The following GRIA4 variants were observed in gnomAD, a reference collection of about 807,000 sequenced individuals.
GRIA4 encodes the protein glutamate ionotropic receptor AMPA type subunit 4.
GRIA4 carries 34 observed loss-of-function variants against 104.0 expected under a neutral mutation model. The observed-to-expected ratio is 0.33, with a 90% CI of 0.25 to 0.44. The LOEUF is 0.44. Ranked by LOEUF, GRIA4 falls within the 20% of genes least tolerant of loss-of-function variation. The probability of loss-of-function intolerance (pLI) is 1.00; values close to 1 mark genes in which losing one functional copy is unlikely to be tolerated. For synonymous variants in GRIA4, 386 were observed against 381.9 expected, an observed-to-expected ratio of 1.01 and a Z score of -0.13; for missense variants, 750 against 1,096.5, an observed-to-expected ratio of 0.68 and a Z score of 4.46.
At chr11:105,965,239 C>G (rs1210258804) in intron 14 of GRIA4, among the ~76,000 whole-genome samples, 1 of 151,690 alleles carries the variant, frequency 6.6e-6, no homozygotes, top group African/African-American at 2.4e-5. Flanking sequence ...AGCATGACAT[C>G]CTGGGGTTTA....
chr11:105,807,136 T>A (rs1357236534), intron 4 of GRIA4, among the ~76,000 whole-genome samples: 1 of 151,870 alleles, frequency 6.6e-6, no homozygotes, highest in Non-Finnish European at 1.5e-5. Flanking sequence ...AAAATCCTTA[T>A]TTATGTCATT....
intron 3 of GRIA4, among the ~76,000 whole-genome samples, chr11:105,725,808 C>A (rs1024529088): frequency 2.0e-5 from 3 of 152,086 alleles, no homozygotes; most frequent in African/African-American, 7.2e-5. Context: ...AACTCCCTCC[C>A]CTAGCCAAGA....
intron 4 of GRIA4, among the ~76,000 whole-genome samples, chr11:105,761,328 C>T (rs1339678524): frequency 6.6e-6 from 1 of 152,048 alleles, no homozygotes; most frequent in Non-Finnish European, 1.5e-5. Context: ...TATCTTTTGA[C>T]ATTTTTTAAT....
At chr11:105,676,364 G>A (rs1357341682) in intron 3 of GRIA4, among the ~76,000 whole-genome samples, 1 of 151,624 alleles carries the variant, frequency 6.6e-6, no homozygotes, top group Non-Finnish European at 1.5e-5. Context: ...TTGTATTAGA[G>A]AAAACAGAGG....
chr11:105,972,779 C>A (rs896466313), intron 15 of GRIA4, among the ~76,000 whole-genome samples: 2 of 152,108 alleles, frequency 1.3e-5, no homozygotes, highest in South Asian at 4.1e-4. Context: ...ATCAGTGAAT[C>A]TAAATACCTA....
At chr11:105,738,041 A>G (rs1591170681) in intron 3 of GRIA4, among the ~76,000 whole-genome samples, 1 of 94,786 alleles carries the variant, frequency 1.1e-5, no homozygotes, top group South Asian at 3.2e-4. Context: ...CGCTTTCCCC[A>G]GCTAACTGCC....
chr11:105,633,813 T>C (rs1030822635), intron 3 of GRIA4, among the ~76,000 whole-genome samples: 1 of 152,120 alleles, frequency 6.6e-6, no homozygotes, highest in Non-Finnish European at 1.5e-5. Flanking sequence ...TTTACAAAAC[T>C]TTTCCATTAG....
At chr11:105,828,097 A>G (rs552727637) in intron 4 of GRIA4, among the ~76,000 whole-genome samples, 1 of 152,126 alleles carries the variant, frequency 6.6e-6, no homozygotes, top group African/African-American at 2.4e-5. Flanking sequence ...TCTTATTCCA[A>G]TCTGACAATT....
intron 3 of GRIA4, among the ~76,000 whole-genome samples, chr11:105,663,270 T>G (rs1952067777): frequency 6.6e-6 from 1 of 151,942 alleles, no homozygotes. Context: ...AGAAAATTAA[T>G]TATAAAGCTC....
intron 4 of GRIA4, among the ~76,000 whole-genome samples, chr11:105,825,100 C>T (rs1269119688): frequency 6.6e-6 from 1 of 152,006 alleles, no homozygotes; most frequent in Non-Finnish European, 1.5e-5. Context: ...CTGTAGTTTT[C>T]CAAGTGTCGA....
chr11:105,709,967 C>T (rs1953852026), intron 3 of GRIA4, among the ~76,000 whole-genome samples: 1 of 152,036 alleles, frequency 6.6e-6, no homozygotes, highest in Non-Finnish European at 1.5e-5. Flanking sequence ...GTATTAACAA[C>T]AGGATAAATT....
At chr11:105,745,518 CAGA>C (rs1939602943) in intron 3 of GRIA4, among the ~76,000 whole-genome samples, 1 of 152,108 alleles carries the variant, frequency 6.6e-6, no homozygotes, top group Non-Finnish European at 1.5e-5. Flanking sequence ...CCGACTAATC[CAGA>C]AGAAGAAGAA....
chr11:105,624,093 TTTTG>T (rs1281479414), intron 3 of GRIA4, among the ~76,000 whole-genome samples: 1 of 152,124 alleles, frequency 6.6e-6, no homozygotes, highest in African/African-American at 2.4e-5. Context: ...ATATTACATA[TTTTG>T]TTTATCATAA....
intron 3 of GRIA4, among the ~76,000 whole-genome samples, chr11:105,669,020 G>A (rs1199031706): frequency 6.6e-6 from 1 of 151,804 alleles, no homozygotes; most frequent in Non-Finnish European, 1.5e-5. Flanking sequence ...GCCATTTGCG[G>A]CTTTCTTAGA....
intron 4 of GRIA4, among the ~76,000 whole-genome samples, chr11:105,783,090 T>G (rs1201839097): frequency 2.6e-5 from 4 of 152,216 alleles, no homozygotes; most frequent in Admixed American, 2.0e-4. Flanking sequence ...CTTCTGAAAC[T>G]AAATTTTATG....
chr11:105,764,310 T>C (rs1940831300), intron 4 of GRIA4, among the ~76,000 whole-genome samples: 1 of 152,102 alleles, frequency 6.6e-6, no homozygotes, highest in African/African-American at 2.4e-5. Flanking sequence ...CTAATTTTTT[T>C]GTATTTTTAG....
intron 3 of GRIA4, among the ~76,000 whole-genome samples, chr11:105,620,181 T>C (rs909949595): frequency 6.6e-6 from 1 of 151,900 alleles, no homozygotes; most frequent in Non-Finnish European, 1.5e-5. Flanking sequence ...TGCCTCGTTT[T>C]CTCAGAATAG....
At chr11:105,639,672 G>T (rs1951304307) in intron 3 of GRIA4, among the ~76,000 whole-genome samples, 2 of 151,880 alleles carry the variant, frequency 1.3e-5, no homozygotes, top group Admixed American at 6.6e-5. Flanking sequence ...TAATTAGGAG[G>T]TATCTATAAA....
At chr11:105,623,053 G>GTATATATATATA (rs58596312) in intron 3 of GRIA4, among the ~76,000 whole-genome samples, 16 of 127,730 alleles carry the variant, frequency 1.3e-4, no homozygotes, top group South Asian at 2.4e-4. Context: ...GTATTCCATT[G>GTATATATATATA]TATATATATA....
Sources: gnomAD v4.1 joint callset for allele counts (sites outside exome capture counted in the v4.1 genomes callset) on GRCh38, gnomAD v4.1.1 for gene constraint, MANE v1.5 for transcripts, NCBI Gene and HGNC (gene_info 2026-07-23, HGNC 2026-07-21) for gene names.